The following MTPN variants were observed in gnomAD, a reference collection of about 807,000 sequenced individuals.
MTPN encodes the protein myotrophin, also known as granule cell differentiation protein.
MTPN carries 2 observed loss-of-function variants against 13.5 expected under a neutral mutation model. That is an observed-to-expected ratio of 0.15 (90% confidence interval 0.06 to 0.47). The LOEUF (loss-of-function observed/expected upper bound fraction) is 0.47, where lower values mean the gene tolerates loss of function less well. Among genes scored for constraint, MTPN ranks in the 20% least tolerant of loss-of-function variants. MTPN has a pLI of 0.97. For missense variants in MTPN, 79 were observed against 137.9 expected (o/e 0.57, Z 2.14); for synonymous variants, 46 against 51.7 (o/e 0.89, Z 0.48).
intron 3 of MTPN, among the ~76,000 whole-genome samples, chr7:135,936,917 T>C (rs1799123977): frequency 6.6e-6 from 1 of 152,230 alleles, no homozygotes; most frequent in African/African-American, 2.4e-5. Context: ...TATTATTTGA[T>C]AGTGTGAGGT....
intron 3 of MTPN, among the ~76,000 whole-genome samples, chr7:135,939,828 T>C (rs1289712806): frequency 2.0e-5 from 3 of 152,196 alleles, no homozygotes; most frequent in Admixed American, 2.0e-4. Context: ...GGTCCTGTTA[T>C]ATTTGTCCCT....
chr7:135,941,865 T>C lies in MTPN; in HGVS notation c.270+8734A>G, dbSNP rs142928169. Reference sequence around the variant, plus strand: ...ACTCCTCTTCAAGGACAGTCACATATTGAGCTGTTATATTACTTTTTTTTT... The same window carrying C: ...ACTCCTCTTCAAGGACAGTCACATACTGAGCTGTTATATTACTTTTTTTTT... On this transcript the variant is annotated intron_variant, in intron 3 of 3. Coordinates refer to ENST00000393085, the MANE Select transcript of MTPN (RefSeq NM_145808.4). Among the ~76,000 whole-genome samples, 469 of 151,936 alleles carry C rather than the reference T, an allele frequency of 3.1e-3. 3 individuals carry two copies. The highest frequency in any genetic ancestry group is 0.011 in the African/African-American group (454 of 41,420).
In MTPN at chr7:135,928,404, A is replaced by C. The variant is rs1275067416; in HGVS notation, c.*1522T>G. On this transcript the variant is annotated 3_prime_UTR_variant, in exon 4 of 4. Transcript: ENST00000393085. ...TTATTAACCAGGGTGACTGTTCTTG[A>C]TAATAGATTAACCCTGCTGTAGAAT... 1 of 167,084 alleles carries C rather than the reference A, an allele frequency of 6.0e-6. No individual in the cohort carries two copies. The highest frequency in any genetic ancestry group is 2.4e-5 in the African/African-American group (1 of 41,440). 10.4% of individuals were successfully genotyped at this position (167,084 alleles called of 1,614,324 possible). A position where few individuals can be genotyped will look rare whatever the true frequency, so the allele number is the denominator to read the frequency against.
chr7:135,958,043 C>A (rs1404961326), intron 1 of MTPN, among the ~76,000 whole-genome samples: 9 of 149,294 alleles, frequency 6.0e-5, no homozygotes, highest in African/African-American at 2.3e-4. Context: ...GACTAAAACA[C>A]GTGGCATTTT....
At chr7:135,965,717 CAG>C (rs372095268) in intron 1 of MTPN, among the ~76,000 whole-genome samples, 1 of 152,064 alleles carries the variant, frequency 6.6e-6, no homozygotes, top group African/African-American at 2.4e-5. Flanking sequence ...TCACTACAAA[CAG>C]TGTGGGAAGT....
rs1377879760 is a variant in MTPN, at chr7:135,977,305, C to T, written c.-205G>A. On this transcript the variant is annotated 5_prime_UTR_variant, in exon 1 of 4. Coordinates refer to ENST00000393085, the MANE Select transcript of MTPN (RefSeq NM_145808.4). ...AGAAAGAAAGTTCTTTTGCGGCCAC[C>T]GGGCCCAGCAGAGAGGTTCCGCCTG... is the stretch of plus-strand genomic sequence containing the variant. 5.0e-6 allele frequency: 3 copies of T among 603,152 alleles called. No homozygotes were observed. The East Asian group carries it at 8.5e-5, about 17-fold the overall frequency. The allele number at this position is 603,152 out of a possible 1,614,324, so 37.4% of individuals were successfully genotyped here.
chr7:135,968,100 A>AT (rs376591765), intron 1 of MTPN, among the ~76,000 whole-genome samples: 3 of 151,344 alleles, frequency 2.0e-5, no homozygotes, highest in South Asian at 2.1e-4. Context: ...CTGGCCTACA[A>AT]TTTTTTTTTA....
chr7:135,963,120 C>T (rs1287886626), intron 1 of MTPN, among the ~76,000 whole-genome samples: 1 of 151,984 alleles, frequency 6.6e-6, no homozygotes. Context: ...ATTAAATTTA[C>T]AAAATTCTAT....
intron 3 of MTPN, among the ~76,000 whole-genome samples, chr7:135,948,971 T>G (rs1799324471): frequency 6.6e-6 from 1 of 152,124 alleles, no homozygotes; most frequent in Non-Finnish European, 1.5e-5. Flanking sequence ...GTCCTCCATT[T>G]CTTTTGAGAG....
At chr7:135,962,642 T>C (rs1562935482) in intron 1 of MTPN, among the ~76,000 whole-genome samples, 1 of 151,998 alleles carries the variant, frequency 6.6e-6, no homozygotes, top group Non-Finnish European at 1.5e-5. Context: ...AACATAAACA[T>C]ATTAACAAAT....
chr7:135,964,172 A>G (rs1799570833), intron 1 of MTPN, among the ~76,000 whole-genome samples: 1 of 151,994 alleles, frequency 6.6e-6, no homozygotes, highest in South Asian at 2.1e-4. Flanking sequence ...AGAGAGGAGA[A>G]AGGAACCAAA....
At chr7:135,955,036 T>C (rs958015820) in intron 1 of MTPN, among the ~76,000 whole-genome samples, 2 of 152,332 alleles carry the variant, frequency 1.3e-5, no homozygotes, top group African/African-American at 4.8e-5. Context: ...TTCTCCTTTA[T>C]TCCTTCAGAC....
Position 135,927,766 on chromosome 7 carries a change from A to G in MTPN, c.*2160T>C, listed in dbSNP as rs79341735. ...GGTTTACAAAAAGGTCGAGAAAGAA[A>G]AGCGAAGGCGAAATAGCCTCTACTG... On this transcript the variant is annotated 3_prime_UTR_variant, in exon 4 of 4. Coordinates refer to ENST00000393085, the MANE Select transcript of MTPN (RefSeq NM_145808.4). 2.8e-5 allele frequency: 13 copies of G among 464,626 alleles called. No individual in the cohort carries two copies. In the East Asian group the frequency reaches 8.1e-4, roughly 29 times the overall value. 28.8% of individuals were successfully genotyped at this position (464,626 alleles called of 1,614,324 possible).
chr7:135,959,757 A>G (rs1297511127), intron 1 of MTPN, among the ~76,000 whole-genome samples: 1 of 151,968 alleles, frequency 6.6e-6, no homozygotes, highest in African/African-American at 2.4e-5. Context: ...TTTTAACAGT[A>G]CTACAAGCAA....
At chr7:135,965,688 TATACTA>T (rs754752646) in intron 1 of MTPN, among the ~76,000 whole-genome samples, 5 of 152,162 alleles carry the variant, frequency 3.3e-5, no homozygotes, top group Admixed American at 6.6e-5. Context: ...AAGTTGCTGT[TATACTA>T]ATACAACTGT....
intron 3 of MTPN, among the ~76,000 whole-genome samples, chr7:135,936,318 G>A (rs968356815): frequency 1.3e-5 from 2 of 152,048 alleles, no homozygotes; most frequent in Admixed American, 1.3e-4. Context: ...AACCCCGTCT[G>A]TACTAAAAAT....
At chr7:135,955,408 A>G (rs949777668) in intron 1 of MTPN, among the ~76,000 whole-genome samples, 1 of 152,228 alleles carries the variant, frequency 6.6e-6, no homozygotes, top group Admixed American at 6.5e-5. Flanking sequence ...AAGAGCGAAG[A>G]TACAAAGTGC....
chr7:135,944,091 G>A (rs1799252602), intron 3 of MTPN, among the ~76,000 whole-genome samples: 1 of 151,978 alleles, frequency 6.6e-6, no homozygotes, highest in African/African-American at 2.4e-5. Context: ...TGTAAGGCAT[G>A]GAGTGTAAAT....
intron 1 of MTPN, among the ~76,000 whole-genome samples, chr7:135,951,895 C>T (rs1276100125): frequency 6.6e-6 from 1 of 152,160 alleles, no homozygotes; most frequent in Non-Finnish European, 1.5e-5. Context: ...TTACTGTCCT[C>T]CATTTCTAAG....
Sources: gnomAD v4.1 joint callset for allele counts (sites outside exome capture counted in the v4.1 genomes callset) on GRCh38, gnomAD v4.1.1 for gene constraint, MANE v1.5 for transcripts, NCBI Gene and HGNC (gene_info 2026-07-23, HGNC 2026-07-21) for gene names.